The following DNAH12 variants were observed in gnomAD, a reference collection of about 807,000 sequenced individuals.
DNAH12 encodes the protein dynein axonemal heavy chain 12.
Under a neutral mutation model 371.5 loss-of-function variants are expected in DNAH12, and 285 were observed. The ratio of observed to expected loss-of-function variants is 0.77; its 90% CI spans 0.70 to 0.85. The LOEUF is 0.85. Ranked by LOEUF, DNAH12 falls within the 40% of genes least tolerant of loss-of-function variation. The pLI, the probability that DNAH12 is intolerant of heterozygous loss-of-function variation, is 0.00. For synonymous variants in DNAH12, 1,200 were observed against 1,213.0 expected, an observed-to-expected ratio of 0.99 and a Z score of 0.22; for missense variants, 3,611 against 3,689.4, an observed-to-expected ratio of 0.98 and a Z score of 0.55.
In DNAH12 at chr3:57,384,828, C is replaced by G. The variant is rs1208750043; in HGVS notation, c.7860+1G>C. On this transcript the variant is annotated splice_donor_variant, in intron 49 of 73. Coordinates refer to ENST00000495027, the MANE Select transcript of DNAH12 (RefSeq NM_001366028.2). LOFTEE classifies it high-confidence loss of function. Reference sequence around the variant, plus strand: ...ACAAAGTAGCTAATTCAAACACTTGCCTTAAGTGTATCCAGTGCAGACAGA... The same window carrying G: ...ACAAAGTAGCTAATTCAAACACTTGGCTTAAGTGTATCCAGTGCAGACAGA... 1 of 152,172 alleles carries G rather than the reference C, an allele frequency of 6.6e-6. No homozygotes were observed. Among genetic ancestry groups the G allele is most frequent in the Non-Finnish European group, 1.5e-5 (1 of 68,038 alleles). 9.4% of individuals were successfully genotyped at this position (152,172 alleles called of 1,614,324 possible). A position where few individuals can be genotyped will look rare whatever the true frequency, so the allele number is the denominator to read the frequency against.
In DNAH12 at chr3:57,459,606, C is replaced by A; in HGVS notation, c.2917G>T (p.Ala973Ser). 6.7e-7 allele frequency: 1 copy of A among 1,498,898 alleles called. No homozygotes were observed. The highest frequency in any genetic ancestry group is 9.0e-7 in the Non-Finnish European group (1 of 1,112,892). 92.8% of individuals were successfully genotyped at this position (1,498,898 alleles called of 1,614,324 possible). The change falls in exon 20 of 74, where the codon GCT becomes TCT. Residue 973 changes from alanine (A) to serine (S), a missense_variant. Around this residue, in one of 3 missense-constraint regions of DNAH12, gnomAD observed 1,314 missense variants for 1,398.7 expected, o/e 0.94. Transcript: ENST00000495027. ...AAACACTTCACCTTTGGATCTTTAG[C>A]ACAAAACTTCATGATATCTCTCCAG... ...RHWRDIMKFCAKDPKVLAATS... is the reference protein window; with the variant it reads ...RHWRDIMKFCSKDPKVLAATS...
At chr3:57,424,790 CA>C (rs66686551) in intron 35 of DNAH12, among the ~76,000 whole-genome samples, 41,168 of 124,872 alleles carry the variant, frequency 0.33, 6,300 homozygotes, top group South Asian at 0.46. Flanking sequence ...GCCCTGTCTC[CA>C]AAAAAAAAAA....
rs183072543 is a variant in DNAH12, at chr3:57,495,296, C to T, written c.1336-5609G>A. ...ATCAGGGGCCAGGCACGGTGGCTCA[C>T]GCCTGTAATCCTAGCATTTTGGGAG... On this transcript the variant is annotated intron_variant, in intron 11 of 73. Coordinates refer to ENST00000495027, the MANE Select transcript of DNAH12 (RefSeq NM_001366028.2). 2.9e-4 allele frequency among the ~76,000 whole-genome samples: 44 copies of T among 152,164 alleles called. No individual in the cohort carries two copies. The East Asian group carries it at 8.1e-3, about 28-fold the overall frequency.
At chr3:57,504,262 T>G in intron 8 of DNAH12, 58 bp from the exon 9 acceptor site, 1 of 1,434,522 alleles carries the variant, frequency 7.0e-7, no homozygotes, top group Non-Finnish European at 9.5e-7. Context: ...TTAACTAAAA[T>G]CAGTAAACTG....
chr3:57,302,565 G>GGTTTTTTTTTT (rs2061380121), intron 69 of DNAH12, among the ~76,000 whole-genome samples: 1 of 28,858 alleles, frequency 3.5e-5, no homozygotes, highest in African/African-American at 1.3e-4. Flanking sequence ...ATATATATAT[G>GGTTTTTTTTTT]TATTTTTTTT....
At chr3:57,373,083 C>A (rs2063208715) in intron 55 of DNAH12, among the ~76,000 whole-genome samples, 1 of 152,058 alleles carries the variant, frequency 6.6e-6, no homozygotes, top group East Asian at 1.9e-4. Flanking sequence ...AAGAAGGAAG[C>A]AAACACGAGA....
intron 2 of DNAH12, among the ~76,000 whole-genome samples, chr3:57,525,353 T>G (rs1173278327): frequency 1.3e-5 from 2 of 152,082 alleles, no homozygotes; most frequent in African/African-American, 4.8e-5. Flanking sequence ...ATAGCATATT[T>G]GGAAATGATC....
chr3:57,347,511 T>G (rs549333809), intron 60 of DNAH12, among the ~76,000 whole-genome samples: 1 of 151,542 alleles, frequency 6.6e-6, no homozygotes, highest in African/African-American at 2.4e-5. Flanking sequence ...AGGTCAGGAG[T>G]TTGTGACCAG....
In DNAH12 at chr3:57,295,567, T is replaced by G; in HGVS notation, c.11650A>C (p.Lys3884Gln). ...ESGLLAEQYP[K>Q]LLFDLMPIIW... ...ATGGGCATCAGGTCAAACAGAAGTT[T>G]GGGATATTGTTCAGCAAGCAATCCA... The change falls in exon 73 of 74, where the codon AAA (lysine) becomes CAA (glutamine). Residue 3884 changes from lysine to glutamine, a missense_variant. Coordinates refer to ENST00000495027, the MANE Select transcript of DNAH12 (RefSeq NM_001366028.2). 1 of 1,543,928 alleles carries G rather than the reference T, an allele frequency of 6.5e-7. No individual in the cohort carries two copies. Among genetic ancestry groups the G allele is most frequent in the South Asian group, 1.2e-5 (1 of 82,360 alleles).
At chr3:57,295,047 C>T (rs1228541710) in intron 73 of DNAH12, among the ~76,000 whole-genome samples, 3 of 152,132 alleles carry the variant, frequency 2.0e-5, no homozygotes, top group Non-Finnish European at 4.4e-5. Context: ...AAGCAGTTTC[C>T]TAAATGGGGC....
At chr3:57,478,153 G>A (rs1027836069) in intron 13 of DNAH12, among the ~76,000 whole-genome samples, 2 of 152,092 alleles carry the variant, frequency 1.3e-5, no homozygotes, top group Non-Finnish European at 2.9e-5. Flanking sequence ...TCGAACCCAT[G>A]GCAAAGAAGT....
At chr3:57,527,662 ACCTCCCACCAGG>A (rs1474536468) in intron 2 of DNAH12, among the ~76,000 whole-genome samples, 1 of 151,980 alleles carries the variant, frequency 6.6e-6, no homozygotes, top group Non-Finnish European at 1.5e-5. Context: ...TGATCCAATC[ACCTCCCACCAGG>A]CCTCACCTCC....
chr3:57,386,377 T>G (rs1279880362), intron 47 of DNAH12, 64 bp downstream of exon 47: 2 of 147,316 alleles, frequency 1.4e-5, no homozygotes, highest in Non-Finnish European at 2.9e-5. Context: ...AAATTGTAGC[T>G]TGTATTATTA....
At chr3:57,537,688 G>GT (rs372481977) in intron 2 of DNAH12, among the ~76,000 whole-genome samples, 29,911 of 140,436 alleles carry the variant, frequency 0.21, 3,566 homozygotes, top group African/African-American at 0.29. Context: ...GTTTCTAAAA[G>GT]TTTTTTTTTT....
In DNAH12 at chr3:57,520,034, C is replaced by A. The variant is rs546944172; in HGVS notation, c.279+3549G>T. 16 of 700,436 alleles carry A rather than the reference C, an allele frequency of 2.3e-5. No homozygotes were observed. In the South Asian group the frequency reaches 2.7e-4, roughly 12 times the overall value. The allele number at this position is 700,436 out of a possible 1,614,324, so 43.4% of individuals were successfully genotyped here. On this transcript the variant is annotated intron_variant, in intron 4 of 73. Coordinates refer to ENST00000495027, the MANE Select transcript of DNAH12 (RefSeq NM_001366028.2). ...ATGGTAGCGCCGCGGAGCCGATGGCCGACGTTGGGTTGGGGAAAGCCGGAG... is the reference window on the plus strand; with the variant it reads ...ATGGTAGCGCCGCGGAGCCGATGGCAGACGTTGGGTTGGGGAAAGCCGGAG...
At chr3:57,355,507 G>GTTTTTTT (rs2062778067) in intron 59 of DNAH12, among the ~76,000 whole-genome samples, 1 of 146,964 alleles carries the variant, frequency 6.8e-6, no homozygotes, top group Non-Finnish European at 1.5e-5. Context: ...TTAACTTTAA[G>GTTTTTTT]TTTTTGTGTG....
chr3:57,428,468 A>C, intron 34 of DNAH12, 165 bp downstream of exon 34: 1 of 1,535,626 alleles, frequency 6.5e-7, no homozygotes. Context: ...TCAACCCCTG[A>C]GTTATGCAGC....
At chr3:57,397,073 C>T in intron 43 of DNAH12, among the ~76,000 whole-genome samples, 2 of 152,264 alleles carry the variant, frequency 1.3e-5, no homozygotes, top group South Asian at 4.1e-4. Flanking sequence ...AAAATCCTTA[C>T]ATACATTATA....
intron 32 of DNAH12, among the ~76,000 whole-genome samples, chr3:57,431,985 T>C (rs1423644665): frequency 6.6e-6 from 1 of 152,118 alleles, no homozygotes; most frequent in Admixed American, 6.6e-5. Context: ...CATAATTCCC[T>C]CTCATGCAGT....
Sources: allele counts gnomAD v4.1 joint callset (sites outside exome capture counted in the v4.1 genomes callset), GRCh38; gene constraint gnomAD v4.1.1; regional missense constraint gnomAD v4.1.1; transcripts MANE v1.5; gene names NCBI Gene and HGNC (gene_info 2026-07-23, HGNC 2026-07-21).